Variants in FRMPD4 observed in about 807,000 individuals in gnomAD.
FRMPD4 encodes FERM and PDZ domain-containing protein 4.
Under a neutral mutation model 94.1 loss-of-function variants are expected in FRMPD4, and 22 were observed. The observed-to-expected ratio is 0.23, with a 90% confidence interval of 0.17 to 0.33. FRMPD4 has a LOEUF of 0.33. FRMPD4 is among the 10% of genes least tolerant of loss of function. The pLI, the probability that FRMPD4 is intolerant of heterozygous loss-of-function variation, is 1.00. For missense variants in FRMPD4, 1,111 were observed against 1,339.9 expected, an observed-to-expected ratio of 0.83 and a Z score of 2.67; for synonymous variants, 631 against 548.6, an observed-to-expected ratio of 1.15 and a Z score of -2.10.
chrX:12,314,736 TC>T (rs1419857890), intron 1 of FRMPD4, among the ~76,000 whole-genome samples: 1 of 110,992 alleles, frequency 9.0e-6, no homozygotes, highest in Non-Finnish European at 1.9e-5. Flanking sequence ...TCTTTCTCCC[TC>T]CTGAATGTGT....
intron 4 of FRMPD4, among the ~76,000 whole-genome samples, chrX:12,619,486 T>C (rs1190012151): frequency 3.6e-5 from 4 of 111,480 alleles, no homozygotes; most frequent in African/African-American, 9.8e-5. Flanking sequence ...CACTAAACCC[T>C]GGTGGAGCCC....
At chrX:12,325,775 A>AT (rs2055277863) in intron 1 of FRMPD4, among the ~76,000 whole-genome samples, 2 of 112,154 alleles carry the variant, frequency 1.8e-5, no homozygotes, top group Non-Finnish European at 3.8e-5. Context: ...TAGAATCTAC[A>AT]TTTTAACAGG....
intron 1 of FRMPD4, among the ~76,000 whole-genome samples, chrX:12,143,559 GCCTTTT>G (rs2055721374): frequency 9.0e-6 from 1 of 111,548 alleles, no homozygotes; most frequent in African/African-American, 3.3e-5. Flanking sequence ...GTTAAACAAT[GCCTTTT>G]TCCTGTTTTC....
intron 1 of FRMPD4, among the ~76,000 whole-genome samples, chrX:12,281,290 G>C (rs747488929): frequency 1.2e-3 from 131 of 111,707 alleles, no homozygotes; most frequent in African/African-American, 3.9e-3. Flanking sequence ...CAAAAGAATA[G>C]AGCATCTACC....
At chrX:11,848,085 GAGAA>G (rs1290655546) in intron 1 of FRMPD4, among the ~76,000 whole-genome samples, 4 of 109,619 alleles carry the variant, frequency 3.6e-5, no homozygotes, top group Non-Finnish European at 5.7e-5. Flanking sequence ...ATATGATTAG[GAGAA>G]AGAAAGAACA....
chrX:12,069,927 C>A (rs183313558), intron 3 of FRMPD4, among the ~76,000 whole-genome samples: 1 of 111,570 alleles, frequency 9.0e-6, no homozygotes, highest in South Asian at 3.7e-4. Flanking sequence ...GGAGAAAAAA[C>A]GACCTGATGG....
intron 1 of FRMPD4, among the ~76,000 whole-genome samples, chrX:12,495,557 C>T (rs991086852): frequency 9.0e-6 from 1 of 110,781 alleles, no homozygotes; most frequent in African/African-American, 3.3e-5. Flanking sequence ...TCACCCCCAT[C>T]ACCCCAGAGT....
At chrX:12,464,494 G>A (rs1398978465) in intron 1 of FRMPD4, among the ~76,000 whole-genome samples, 1 of 112,167 alleles carries the variant, frequency 8.9e-6, no homozygotes, top group Non-Finnish European at 1.9e-5. Flanking sequence ...ATTATTAGGA[G>A]TTTTGAAAGT....
chrX:12,358,511 C>T (rs180794519), intron 1 of FRMPD4, among the ~76,000 whole-genome samples: 12 of 111,413 alleles, frequency 1.1e-4, no homozygotes, highest in African/African-American at 3.3e-4. Context: ...AGTAAATCCT[C>T]CTATATTGCC....
At chrX:11,876,048 G>C (rs1569116342) in intron 2 of FRMPD4, among the ~76,000 whole-genome samples, 2 of 108,261 alleles carry the variant, frequency 1.8e-5, no homozygotes, top group Admixed American at 9.9e-5. Context: ...GCTAATTTTT[G>C]TATTTTTAGT....
At chrX:12,313,249 A>T (rs2055063179) in intron 1 of FRMPD4, among the ~76,000 whole-genome samples, 1 of 112,314 alleles carries the variant, frequency 8.9e-6, no homozygotes, top group Non-Finnish European at 1.9e-5. Context: ...ATTAGGAGGT[A>T]GAAGTCAGGA....
chrX:12,067,697 T>C (rs973330220), intron 3 of FRMPD4, among the ~76,000 whole-genome samples: 2 of 111,918 alleles, frequency 1.8e-5, no homozygotes, highest in Non-Finnish European at 3.8e-5. Flanking sequence ...ATTACAGGCG[T>C]GAGCCACTGT....
chrX:12,485,814 C>T (rs1467916684), intron 1 of FRMPD4, among the ~76,000 whole-genome samples: 1 of 110,307 alleles, frequency 9.1e-6, no homozygotes, highest in Non-Finnish European at 1.9e-5. Context: ...GAGGCTGAGG[C>T]ATGAGAATCG....
chrX:12,407,396 G>A (rs1166705122), intron 1 of FRMPD4, among the ~76,000 whole-genome samples: 1 of 111,660 alleles, frequency 9.0e-6, no homozygotes, highest in Non-Finnish European at 1.9e-5. Context: ...AAGGACCTGA[G>A]TTTCAGTTCT....
intron 1 of FRMPD4, among the ~76,000 whole-genome samples, chrX:12,431,998 A>G (rs1243437445): frequency 8.9e-6 from 1 of 112,365 alleles, no homozygotes; most frequent in Non-Finnish European, 1.9e-5. Flanking sequence ...AGAGAGAACC[A>G]GAGCCCCTCC....
In FRMPD4 at chrX:12,584,074, G is replaced by A. The variant is rs2058897433; in HGVS notation, c.159-25647G>A. 2.7e-5 allele frequency among the ~76,000 whole-genome samples: 3 copies of A among 111,769 alleles called. No homozygotes were observed. In the South Asian group the frequency reaches 1.1e-3, roughly 42 times the overall value. On this transcript the variant is annotated intron_variant, in intron 2 of 16. Coordinates refer to ENST00000675598, the MANE Select transcript of FRMPD4 (RefSeq NM_001368397.1). ...CCTGCCATTGAACAAAGAGGAAACCGAAATTCGGAAATTGATTATCTTACA... is the reference window on the plus strand; with the variant it reads ...CCTGCCATTGAACAAAGAGGAAACCAAAATTCGGAAATTGATTATCTTACA...
At chrX:11,893,848 A>C (rs2053888198) in intron 3 of FRMPD4, among the ~76,000 whole-genome samples, 1 of 111,754 alleles carries the variant, frequency 8.9e-6, no homozygotes, top group Non-Finnish European at 1.9e-5. Flanking sequence ...TAGAGAAGGA[A>C]AAAGAGGCAG....
chrX:11,982,920 A>T (rs964832708), intron 3 of FRMPD4, among the ~76,000 whole-genome samples: 1 of 110,502 alleles, frequency 9.0e-6, no homozygotes, highest in Non-Finnish European at 1.9e-5. Context: ...GCTGACTCTT[A>T]CTCATGTTGT....
chrX:12,634,211 C>T (rs2059422493), intron 4 of FRMPD4, among the ~76,000 whole-genome samples: 1 of 112,334 alleles, frequency 8.9e-6, no homozygotes, highest in Admixed American at 9.4e-5. Context: ...CACCGTTAAA[C>T]ATCCTTCTGT....
Sources: gnomAD v4.1 joint callset for allele counts (sites outside exome capture counted in the v4.1 genomes callset) on GRCh38, gnomAD v4.1.1 for gene constraint, MANE v1.5 for transcripts, NCBI Gene and HGNC (gene_info 2026-07-23, HGNC 2026-07-21) for gene names.